Variants in AKR1E2 observed in about 807,000 individuals in gnomAD.
AKR1E2 encodes 1,5-anhydro-D-fructose reductase.
Under a neutral mutation model 41.9 loss-of-function variants are expected in AKR1E2, and 43 were observed. The observed-to-expected ratio is 1.03, with a 90% CI of 0.80 to 1.32. The LOEUF (loss-of-function observed/expected upper bound fraction) is 1.32, where lower values mean the gene tolerates loss of function less well. AKR1E2 is among the 40% of genes most tolerant of loss of function. The pLI, the probability that AKR1E2 is intolerant of heterozygous loss-of-function variation, is 0.00. For synonymous variants in AKR1E2, 121 were observed against 138.9 expected, an observed-to-expected ratio of 0.87 and a Z score of 0.91; for missense variants, 423 against 396.5, an observed-to-expected ratio of 1.07 and a Z score of -0.57.
chr10:4,862,198 C>T, the AKR1E2 span, among the ~76,000 whole-genome samples: 6 of 152,284 alleles, frequency 3.9e-5, no homozygotes, highest in South Asian at 6.2e-4. Flanking sequence ...ATCCTTTCCC[C>T]GTTTCTTGTT....
intron 3 of AKR1E2, 69 bp downstream of exon 3, chr10:4,833,535 G>T: frequency 7.5e-7 from 1 of 1,335,582 alleles, no homozygotes. Context: ...ACCCTGTCTT[G>T]CGGTGGGGAG....
At chr10:4,829,845 C>T (rs192631969) in intron 1 of AKR1E2, among the ~76,000 whole-genome samples, 6 of 152,280 alleles carry the variant, frequency 3.9e-5, no homozygotes, top group Admixed American at 2.6e-4. Context: ...TTTCAAAGAA[C>T]TGACTTCTGG....
At chr10:4,856,478 T>A in the AKR1E2 span, among the ~76,000 whole-genome samples, 6 of 152,212 alleles carry the variant, frequency 3.9e-5, no homozygotes, top group Non-Finnish European at 8.8e-5. Context: ...TCAAAGTGAA[T>A]ACGATTGGAT....
chr10:4,860,041 T>C, the AKR1E2 span, among the ~76,000 whole-genome samples: 2 of 152,218 alleles, frequency 1.3e-5, no homozygotes, highest in Admixed American at 1.3e-4. Context: ...TGTCTATCTA[T>C]TGTCAGCAAG....
Position 4,835,828 on chromosome 10 carries a change from C to A in AKR1E2, c.459+19C>A. ...GTGGGAGGTGAGCTGAGCCACACCA[C>A]CAGGCAGCCTCATCCTGTGTGGGTC... On this transcript the variant is annotated intron_variant, in intron 4 of 9. Coordinates refer to ENST00000298375, the MANE Select transcript of AKR1E2 (RefSeq NM_001040177.3). 1 of 1,612,780 alleles carries A rather than the reference C, an allele frequency of 6.2e-7. No individual in the cohort carries two copies. The highest frequency in any genetic ancestry group is 8.5e-7 in the Non-Finnish European group (1 of 1,179,662).
chr10:4,843,281 T>A (rs779894232), intron 8 of AKR1E2, among the ~76,000 whole-genome samples: 7 of 152,104 alleles, frequency 4.6e-5, no homozygotes, highest in Non-Finnish European at 8.8e-5. Context: ...ACCCTTCTGA[T>A]AGGATCACTG....
At chr10:4,829,945 G>A (rs779725844) in intron 1 of AKR1E2, among the ~76,000 whole-genome samples, 1 of 152,022 alleles carries the variant, frequency 6.6e-6, no homozygotes, top group Non-Finnish European at 1.5e-5. Context: ...AATTTCTTGG[G>A]TTCTTTTTCT....
chr10:4,833,396 G>A lies in AKR1E2; in HGVS notation c.254G>A (p.Arg85Lys), dbSNP rs771653523. 3 of 1,614,210 alleles carry A rather than the reference G, an allele frequency of 1.9e-6. No individual in the cohort carries two copies. The highest frequency in any genetic ancestry group is 2.2e-5 in the East Asian group (1 of 44,882). Reference sequence around the variant, plus strand: ...AAGTCCTTGGTGGAAACAGCATGCAGAAAGAGTCTCAAGGCCTTGAAGCTG... The same window carrying A: ...AAGTCCTTGGTGGAAACAGCATGCAAAAAGAGTCTCAAGGCCTTGAAGCTG... ...HKKSLVETAC[R>K]KSLKALKLNY... Residue 85 changes from arginine (R) to lysine (K), a missense_variant, in exon 3 of 10, where the codon AGA (arginine) becomes AAA (lysine). Coordinates refer to ENST00000298375, the MANE Select transcript of AKR1E2 (RefSeq NM_001040177.3).
At chr10:4,861,258 T>G in the AKR1E2 span, among the ~76,000 whole-genome samples, 2 of 152,122 alleles carry the variant, frequency 1.3e-5, no homozygotes, top group African/African-American at 4.8e-5. Context: ...GAAAGAAGAT[T>G]TAATGTGTTA....
chr10:4,853,716 A>G, the AKR1E2 span, among the ~76,000 whole-genome samples: 1 of 96,446 alleles, frequency 1.0e-5, no homozygotes, highest in African/African-American at 3.6e-5. Context: ...CACCTTGAAT[A>G]GGGGCTGAGT....
the AKR1E2 span, among the ~76,000 whole-genome samples, chr10:4,864,752 T>A: frequency 6.6e-6 from 1 of 152,190 alleles, no homozygotes; most frequent in African/African-American, 2.4e-5. Flanking sequence ...ATAAGCAACT[T>A]CAGCAAAGTC....
At chr10:4,827,090 A>G (rs915554232) in intron 1 of AKR1E2, among the ~76,000 whole-genome samples, 149 of 151,444 alleles carry the variant, frequency 9.8e-4, no homozygotes, top group Non-Finnish European at 1.5e-3. Flanking sequence ...AAAAAAAAAA[A>G]AAAGAAAAAA....
downstream of AKR1E2, among the ~76,000 whole-genome samples, chr10:4,850,341 A>G (rs1319620142): frequency 2.6e-5 from 4 of 152,190 alleles, no homozygotes; most frequent in Non-Finnish European, 4.4e-5. Flanking sequence ...GCACTTTCGT[A>G]TTTTATTTGA....
chr10:4,860,193 A>T, the AKR1E2 span, among the ~76,000 whole-genome samples: 1 of 152,216 alleles, frequency 6.6e-6, no homozygotes, highest in Non-Finnish European at 1.5e-5. Context: ...ACTGACAGGA[A>T]ATCTTTACAG....
At chr10:4,862,093 G>C in the AKR1E2 span, among the ~76,000 whole-genome samples, 1 of 152,266 alleles carries the variant, frequency 6.6e-6, no homozygotes, top group Admixed American at 6.5e-5. Flanking sequence ...AATCCATCTT[G>C]AATTAGTTTT....
chr10:4,846,406 GA>G (rs1465114529), intron 8 of AKR1E2, among the ~76,000 whole-genome samples: 1 of 152,184 alleles, frequency 6.6e-6, no homozygotes, highest in East Asian at 1.9e-4. Context: ...GGATCACTCA[GA>G]AAATGTACTC....
Position 4,841,846 on chromosome 10 carries a change from T to G in AKR1E2, c.742T>G (p.Ser248Ala), listed in dbSNP as rs747721045. ...IKRIAKEHGK[S>A]PAQILIRFQI... ...GAGGATTGCAAAGGAGCACGGCAAG[T>G]CTCCTGCTCAGGTAGGGAGGGAGGG... The change falls in exon 7 of 10, where the codon TCT becomes GCT. Residue 248 changes from serine to alanine, a missense_variant. Transcript: ENST00000298375. 91 of 1,613,488 alleles carry G rather than the reference T, an allele frequency of 5.6e-5. No individual in the cohort carries two copies. The highest frequency in any genetic ancestry group is 7.5e-5 in the Non-Finnish European group (88 of 1,179,748).
At chr10:4,846,971 C>T (rs1743851327) in intron 8 of AKR1E2, among the ~76,000 whole-genome samples, 177 bp from the exon 9 acceptor site, 1 of 152,182 alleles carries the variant, frequency 6.6e-6, no homozygotes, top group Admixed American at 6.5e-5. Flanking sequence ...TGATCAAAAT[C>T]AAAGGGCATT....
At chr10:4,847,393 A>G (rs1834412240) in intron 9 of AKR1E2, 95 bp from the exon 10 acceptor site, 22 of 1,534,170 alleles carry the variant, frequency 1.4e-5, no homozygotes, top group Non-Finnish European at 1.7e-5. Flanking sequence ...AATTTCATGC[A>G]CTGGGGAGTT....
Sources: allele counts gnomAD v4.1 joint callset (sites outside exome capture counted in the v4.1 genomes callset), GRCh38; gene constraint gnomAD v4.1.1; transcripts MANE v1.5; gene names NCBI Gene and HGNC (gene_info 2026-07-23, HGNC 2026-07-21).